Variants in LMNTD1 observed in about 807,000 individuals in gnomAD.
LMNTD1 encodes lamin tail domain containing 1, also known as lamin tail domain-containing protein 1.
Under a neutral mutation model 50.9 loss-of-function variants are expected in LMNTD1, and 35 were observed. The ratio of observed to expected loss-of-function variants is 0.69; its 90% CI spans 0.53 to 0.91. The LOEUF (loss-of-function observed/expected upper bound fraction) is 0.91, where lower values mean the gene tolerates loss of function less well. Ranked by LOEUF, LMNTD1 falls within the 40% of genes least tolerant of loss-of-function variation. LMNTD1 has a pLI of 0.00. For missense variants in LMNTD1, 470 were observed against 475.5 expected (o/e 0.99, Z 0.11); for synonymous variants, 153 against 161.9 (o/e 0.94, Z 0.42).
At chr12:25,625,242 C>T (rs1022300966) in intron 1 of LMNTD1, among the ~76,000 whole-genome samples, 1 of 152,182 alleles carries the variant, frequency 6.6e-6, no homozygotes, top group East Asian at 1.9e-4. Flanking sequence ...CAACCAATAG[C>T]TTTCATCCTT....
intron 1 of LMNTD1, among the ~76,000 whole-genome samples, chr12:25,628,743 T>C (rs1269930370): frequency 6.6e-6 from 1 of 152,166 alleles, no homozygotes; most frequent in African/African-American, 2.4e-5. Context: ...CAGCAGCCTC[T>C]AGAAGCTAAA....
intron 1 of LMNTD1, among the ~76,000 whole-genome samples, chr12:25,602,340 G>A (rs1053703028): frequency 2.6e-5 from 4 of 151,904 alleles, no homozygotes; most frequent in African/African-American, 7.3e-5. Context: ...CAACCTTCCT[G>A]CTGACTGTTC....
chr12:25,631,602 A>G (rs1028246299), intron 1 of LMNTD1, among the ~76,000 whole-genome samples: 5 of 152,224 alleles, frequency 3.3e-5, no homozygotes, highest in African/African-American at 1.2e-4. Context: ...ACAGGGGAAG[A>G]GTACTACATC....
At chr12:25,550,813 C>T (rs1251263168) in intron 2 of LMNTD1, among the ~76,000 whole-genome samples, 1 of 152,180 alleles carries the variant, frequency 6.6e-6, no homozygotes, top group East Asian at 1.9e-4. Context: ...CAAAACTAGA[C>T]TGCTCTTTAA....
intron 1 of LMNTD1, chr12:25,582,317 A>C (rs1945324903): frequency 6.6e-6 from 1 of 152,230 alleles, no homozygotes; most frequent in South Asian, 2.1e-4. Context: ...TATTATGCAA[A>C]GCTCACTTCC....
chr12:25,552,900 C>G lies in LMNTD1; in HGVS notation c.60G>C (p.Glu20Asp). The change falls in exon 2 of 10, where the codon GAG (glutamate) becomes GAC (aspartate). Residue 20 changes from glutamate (E) to aspartate (D), a missense_variant. Glu to Asp is a conservative substitution (Grantham distance 45). Coordinates refer to ENST00000458174, the MANE Select transcript of LMNTD1 (RefSeq NM_001145728.2). ...TTTGTTTCTCATTCTTATCTTCCTG[C>G]TCATGGACTTTATTCTGCATTGCCT... ...ASKAMQNKVHEQEDKNEKQKQ... is the reference protein window; with the variant it reads ...ASKAMQNKVHDQEDKNEKQKQ... The G allele has an allele frequency of 3.9e-6, 6 of 1,551,606 alleles. No homozygotes were observed. Among genetic ancestry groups the G allele is most frequent in the Non-Finnish European group, 5.2e-6 (6 of 1,146,212 alleles).
chr12:25,547,183 T>C, intron 3 of LMNTD1: 1 of 746,626 alleles, frequency 1.3e-6, no homozygotes, highest in Non-Finnish European at 1.6e-6. Context: ...TAAAGAGCCA[T>C]TCTGGACAAA....
intron 4 of LMNTD1, among the ~76,000 whole-genome samples, chr12:25,532,092 C>T (rs1262065253): frequency 2.0e-5 from 3 of 152,096 alleles, no homozygotes; most frequent in Non-Finnish European, 2.9e-5. Flanking sequence ...TGGACCTTAT[C>T]CACCTGTTCC....
At chr12:25,529,982 T>C (rs902018105) in intron 4 of LMNTD1, among the ~76,000 whole-genome samples, 2 of 152,170 alleles carry the variant, frequency 1.3e-5, no homozygotes, top group African/African-American at 4.8e-5. Flanking sequence ...TTTCCTCTTC[T>C]TGTTTCCCAT....
upstream of LMNTD1, among the ~76,000 whole-genome samples, chr12:25,557,870 G>A (rs916458697): frequency 3.3e-5 from 5 of 152,150 alleles, no homozygotes; most frequent in Admixed American, 2.0e-4. Flanking sequence ...GCAATCTCTA[G>A]CAGAAAAGTA....
intron 1 of LMNTD1, among the ~76,000 whole-genome samples, chr12:25,587,393 G>A (rs551274050): frequency 4.7e-4 from 71 of 152,354 alleles, no homozygotes; most frequent in South Asian, 2.7e-3. Flanking sequence ...AGGCCTCAGG[G>A]AGCTTTTGCT....
At chr12:25,595,639 A>G (rs767036516) in intron 1 of LMNTD1, among the ~76,000 whole-genome samples, 1 of 152,164 alleles carries the variant, frequency 6.6e-6, no homozygotes, top group Non-Finnish European at 1.5e-5. Context: ...AAAGAGCACA[A>G]ACAGACAATC....
intron 8 of LMNTD1, among the ~76,000 whole-genome samples, chr12:25,512,876 T>C (rs1262913027): frequency 6.6e-6 from 1 of 152,000 alleles, no homozygotes; most frequent in Non-Finnish European, 1.5e-5. Context: ...GGGGGGGGCT[T>C]TAATGAAACC....
intron 1 of LMNTD1, among the ~76,000 whole-genome samples, chr12:25,565,229 GT>G (rs938464943): frequency 3.1e-4 from 47 of 150,304 alleles, no homozygotes; most frequent in African/African-American, 7.8e-4. Context: ...GCCATTTTAT[GT>G]TTTTTTTTGT....
intron 8 of LMNTD1, among the ~76,000 whole-genome samples, chr12:25,507,154 G>T (rs536844882): frequency 3.2e-4 from 49 of 152,262 alleles, no homozygotes; most frequent in Non-Finnish European, 6.0e-4. Context: ...GGGATTACAG[G>T]TGTGAGCTAC....
intron 1 of LMNTD1, among the ~76,000 whole-genome samples, chr12:25,566,833 A>C (rs1944577464): frequency 1.3e-5 from 2 of 152,246 alleles, no homozygotes; most frequent in South Asian, 4.1e-4. Flanking sequence ...TATTCTTAAG[A>C]ATTCCATGAT....
intron 9 of LMNTD1, among the ~76,000 whole-genome samples, chr12:25,485,189 T>C (rs1938582367): frequency 6.9e-6 from 1 of 144,790 alleles, no homozygotes; most frequent in Non-Finnish European, 1.5e-5. Context: ...TTTTTAATGA[T>C]TGCCATTCTA....
At chr12:25,565,745 T>C (rs1216755183) in intron 1 of LMNTD1, among the ~76,000 whole-genome samples, 1 of 152,216 alleles carries the variant, frequency 6.6e-6, no homozygotes, top group Non-Finnish European at 1.5e-5. Flanking sequence ...TGATTGAAGT[T>C]CTCCTTTTAG....
chr12:25,511,470 T>A (rs1261132268), intron 8 of LMNTD1, among the ~76,000 whole-genome samples: 1 of 152,158 alleles, frequency 6.6e-6, no homozygotes, highest in Non-Finnish European at 1.5e-5. Context: ...ATTCTGAGAA[T>A]GAGACACTTG....
Sources: allele counts gnomAD v4.1 joint callset (sites outside exome capture counted in the v4.1 genomes callset), GRCh38; gene constraint gnomAD v4.1.1; transcripts MANE v1.5; gene names NCBI Gene and HGNC (gene_info 2026-07-23, HGNC 2026-07-21).